The following CAB39L variants were observed in gnomAD, a reference collection of about 807,000 sequenced individuals.
CAB39L encodes the protein calcium binding protein 39 like.
In CAB39L, 23 loss-of-function variants were observed where a neutral mutation model predicts 39.1. The observed-to-expected ratio is 0.59, with a 90% CI of 0.42 to 0.83. CAB39L has a LOEUF of 0.83. CAB39L is among the 40% of genes least tolerant of loss of function. The pLI, the probability that CAB39L is intolerant of heterozygous loss-of-function variation, is 0.00. For missense variants in CAB39L, 366 were observed against 391.9 expected, an observed-to-expected ratio of 0.93 and a Z score of 0.56; for synonymous variants, 126 against 137.2, an observed-to-expected ratio of 0.92 and a Z score of 0.57.
chr13:49,340,626 T>C (rs1954981793), intron 8 of CAB39L, among the ~76,000 whole-genome samples: 1 of 152,234 alleles, frequency 6.6e-6, no homozygotes, highest in African/African-American at 2.4e-5. Flanking sequence ...ACTTATTTAT[T>C]CTATCCTGAA....
intron 7 of CAB39L, among the ~76,000 whole-genome samples, chr13:49,348,550 G>T (rs1393976525): frequency 6.6e-6 from 1 of 152,078 alleles, no homozygotes; most frequent in Non-Finnish European, 1.5e-5. Flanking sequence ...CCTAGGTGAG[G>T]GAGTGAGACC....
intron 3 of CAB39L, among the ~76,000 whole-genome samples, chr13:49,429,705 C>G (rs1056559668): frequency 6.6e-6 from 1 of 152,172 alleles, no homozygotes; most frequent in Non-Finnish European, 1.5e-5. Context: ...ACCTCACCAT[C>G]CCCAAGTACC....
chr13:49,339,546 A>C (rs1054327520), intron 9 of CAB39L, 131 bp downstream of exon 9: 1 of 1,035,598 alleles, frequency 9.7e-7, no homozygotes, highest in Non-Finnish European at 1.3e-6. Context: ...AAAATATAGT[A>C]AATACTTCTC....
intron 3 of CAB39L, among the ~76,000 whole-genome samples, chr13:49,416,411 T>C (rs1006957388): frequency 4.6e-5 from 7 of 152,246 alleles, no homozygotes; most frequent in African/African-American, 1.7e-4. Flanking sequence ...TTACCACATC[T>C]GATGCAGTCT....
At position 49,350,650 on chromosome 13, in the gene CAB39L, A is replaced by C. The variant is rs374079974; in HGVS notation, c.564+94T>G. On this transcript the variant is annotated intron_variant, in intron 7 of 10. Coordinates refer to ENST00000409308, the MANE Select transcript of CAB39L (RefSeq NM_001079670.3). ...ACATGGTTGGCTACACTGAGGCCTA[A>C]GAAGTAAAATTTCTTGCTTTTTAAA... 1.6e-4 allele frequency: 141 copies of C among 896,680 alleles called. 14 individuals carry two copies. The highest frequency in any genetic ancestry group is 1.3e-3 in the Admixed American group (51 of 38,966). The allele number at this position is 896,680 out of a possible 1,614,324, so 55.5% of individuals were successfully genotyped here.
chr13:49,321,746 T>C lies in CAB39L; in HGVS notation c.834+10201A>G, dbSNP rs80315430. On this transcript the variant is annotated intron_variant, in intron 10 of 10. Coordinates refer to ENST00000409308, the MANE Select transcript of CAB39L (RefSeq NM_001079670.3). The stretch of plus-strand genomic sequence containing the variant: ...TAATCACGTTTCTCATCTTTAAAAC[T>C]GTTAAGTAAACTAGTGGATCAAAGA... Among the ~76,000 whole-genome samples the C allele has an allele frequency of 2.7e-3, 405 of 152,364 alleles. 2 individuals are homozygous for C. The highest frequency in any genetic ancestry group is 0.01 in the Middle Eastern group (3 of 294).
At chr13:49,331,867 A>G in intron 10 of CAB39L, 80 bp downstream of exon 10, 1 of 1,261,540 alleles carries the variant, frequency 7.9e-7, no homozygotes, top group Non-Finnish European at 1.1e-6. Flanking sequence ...TATGAAGGAG[A>G]GTAAAGAGCA....
intron 6 of CAB39L, among the ~76,000 whole-genome samples, chr13:49,355,036 T>C (rs1049660703): frequency 2.0e-5 from 3 of 152,170 alleles, no homozygotes; most frequent in Non-Finnish European, 4.4e-5. Context: ...CTCCTCAATA[T>C]AGTCAAGAAC....
intron 6 of CAB39L, 27 bp from the exon 7 acceptor site, chr13:49,350,939 A>T (rs563332178): frequency 8.9e-5 from 136 of 1,531,228 alleles, no homozygotes; most frequent in Non-Finnish European, 1.2e-4. Flanking sequence ...AGAGAAATAG[A>T]GAACTCTGTT....
rs1215080943 is a variant in CAB39L, at chr13:49,324,078, G to A, written c.834+7869C>T. On this transcript the variant is annotated intron_variant, in intron 10 of 10. Coordinates refer to ENST00000409308, the MANE Select transcript of CAB39L (RefSeq NM_001079670.3). ...TGTAATCCCAGCACTTTGGGAGGCC[G>A]AGGGAGGCAGATCACTTGAGGTCAG... 1.2e-4 allele frequency among the ~76,000 whole-genome samples: 18 copies of A among 152,162 alleles called. No individual in the cohort carries two copies. In the East Asian group the frequency reaches 3.1e-3, roughly 26 times the overall value.
intron 10 of CAB39L, among the ~76,000 whole-genome samples, chr13:49,322,008 T>C (rs1330675125): frequency 2.0e-5 from 3 of 152,232 alleles, no homozygotes; most frequent in African/African-American, 4.8e-5. Context: ...TCAGACTATA[T>C]AGTTGACTCA....
chr13:49,310,421 T>A lies in CAB39L; in HGVS notation c.*393A>T, dbSNP rs1313194131. ...AGCGATCTGTGTGTCTACCTACAGA[T>A]GGGCAAAGCATTTTTGCACCCTGGC... On this transcript the variant is annotated 3_prime_UTR_variant, in exon 11 of 11. Coordinates refer to ENST00000409308, the MANE Select transcript of CAB39L (RefSeq NM_001079670.3). 1 of 173,648 alleles carries A rather than the reference T, an allele frequency of 5.8e-6. No homozygotes were observed. The highest frequency in any genetic ancestry group is 1.2e-5 in the Non-Finnish European group (1 of 80,742). The allele number at this position is 173,648 out of a possible 1,614,324, so 10.8% of individuals were successfully genotyped here. A position where few individuals can be genotyped will look rare whatever the true frequency, so the allele number is the denominator to read the frequency against.
intron 9 of CAB39L, among the ~76,000 whole-genome samples, chr13:49,339,305 A>G (rs1954937004): frequency 6.6e-6 from 1 of 151,706 alleles, no homozygotes; most frequent in South Asian, 2.1e-4. Context: ...TAATTTTTGT[A>G]TTTTTAGTAG....
At chr13:49,442,314 A>T (rs868424361) in intron 1 of CAB39L, among the ~76,000 whole-genome samples, 2 of 152,264 alleles carry the variant, frequency 1.3e-5, no homozygotes, top group South Asian at 2.1e-4. Context: ...TGTTATTTCC[A>T]ATTTTTCACA....
intron 10 of CAB39L, among the ~76,000 whole-genome samples, chr13:49,324,952 A>G (rs894357044): frequency 6.6e-6 from 1 of 152,216 alleles, no homozygotes; most frequent in South Asian, 2.1e-4. Flanking sequence ...AACATTAAGT[A>G]TAGGCTGCAT....
intron 1 of CAB39L, among the ~76,000 whole-genome samples, chr13:49,438,356 T>C (rs1957450987): frequency 6.6e-6 from 1 of 152,330 alleles, no homozygotes; most frequent in East Asian, 1.9e-4. Context: ...ATCATCATTA[T>C]CCTCATCTTT....
intron 3 of CAB39L, among the ~76,000 whole-genome samples, chr13:49,416,837 G>A (rs942196940): frequency 1.3e-5 from 2 of 152,172 alleles, no homozygotes; most frequent in African/African-American, 4.8e-5. Flanking sequence ...TATTATTAAT[G>A]TGCCTACTGA....
chr13:49,315,269 T>C (rs1026426321), intron 10 of CAB39L, among the ~76,000 whole-genome samples: 2 of 152,272 alleles, frequency 1.3e-5, no homozygotes, highest in East Asian at 1.9e-4. Flanking sequence ...AGACAGTCTC[T>C]TGGCAGCCCA....
intron 3 of CAB39L, among the ~76,000 whole-genome samples, chr13:49,392,429 G>A (rs923191538): frequency 3.9e-5 from 6 of 152,020 alleles, no homozygotes; most frequent in African/African-American, 1.4e-4. Flanking sequence ...ACAAGGTCAG[G>A]AGTTTGAGAC....
Sources: gnomAD v4.1 joint callset for allele counts (sites outside exome capture counted in the v4.1 genomes callset) on GRCh38, gnomAD v4.1.1 for gene constraint, MANE v1.5 for transcripts, NCBI Gene and HGNC (gene_info 2026-07-23, HGNC 2026-07-21) for gene names.